UBASH3A: variants seen among roughly 807,000 people sequenced by gnomAD.
UBASH3A encodes the protein ubiquitin-associated and SH3 domain-containing protein A.
Under a neutral mutation model 73.5 loss-of-function variants are expected in UBASH3A, and 63 were observed. The observed-to-expected ratio is 0.86, with a 90% CI of 0.70 to 1.06. UBASH3A has a LOEUF of 1.06. Among genes scored for constraint, UBASH3A ranks in the 50% least tolerant of loss-of-function variants. UBASH3A has a pLI of 0.00. For synonymous variants in UBASH3A, 363 were observed against 351.1 expected (o/e 1.03, Z -0.38); for missense variants, 860 against 859.0 (o/e 1.00, Z -0.02).
chr21:42,428,489 C>T (rs1329936211), intron 8 of UBASH3A, among the ~76,000 whole-genome samples: 4 of 152,028 alleles, frequency 2.6e-5, no homozygotes, highest in African/African-American at 9.7e-5. Context: ...ATTTAAAAAG[C>T]TTTAAATGTT....
At chr21:42,434,705 C>A in intron 9 of UBASH3A, 127 bp from the exon 10 acceptor site, 2 of 1,098,622 alleles carry the variant, frequency 1.8e-6, no homozygotes, top group Non-Finnish European at 2.6e-6. Flanking sequence ...TGTTCAGAAA[C>A]AACACAGTTG....
chr21:42,435,774 G>C (rs1023987092), intron 10 of UBASH3A, among the ~76,000 whole-genome samples: 4 of 151,812 alleles, frequency 2.6e-5, no homozygotes, highest in Non-Finnish European at 5.9e-5. Context: ...GTTAGTTATA[G>C]AGTTATAGAG....
chr21:42,438,899 G>C (rs1474671699), intron 11 of UBASH3A, among the ~76,000 whole-genome samples: 1 of 152,106 alleles, frequency 6.6e-6, no homozygotes, highest in Non-Finnish European at 1.5e-5. Context: ...CCATGGAGGA[G>C]CCATCCCGCA....
At chr21:42,440,347 G>A (rs1265459971) in intron 11 of UBASH3A, among the ~76,000 whole-genome samples, 1 of 152,232 alleles carries the variant, frequency 6.6e-6, no homozygotes, top group Admixed American at 6.5e-5. Context: ...TAATAACTAT[G>A]ATGGAATAAA....
At chr21:42,430,434 C>T (rs2053507805) in intron 8 of UBASH3A, among the ~76,000 whole-genome samples, 1 of 152,160 alleles carries the variant, frequency 6.6e-6, no homozygotes, top group African/African-American at 2.4e-5. Context: ...CCTCTCCTCA[C>T]CTCTCTTCCT....
chr21:42,446,374 C>T (rs553507475), intron 14 of UBASH3A, among the ~76,000 whole-genome samples: 6 of 152,312 alleles, frequency 3.9e-5, no homozygotes, highest in East Asian at 3.9e-4. Context: ...AGCCCATCAC[C>T]GCCCCTCGCC....
intron 8 of UBASH3A, among the ~76,000 whole-genome samples, chr21:42,427,567 C>T (rs944057593): frequency 6.6e-6 from 1 of 152,214 alleles, no homozygotes; most frequent in Admixed American, 6.5e-5. Flanking sequence ...GCTATTCCTG[C>T]CCCCTACCCA....
intron 3 of UBASH3A, 25 bp from the exon 4 acceptor site, chr21:42,412,999 A>C (rs778465007): frequency 6.3e-7 from 1 of 1,597,226 alleles, no homozygotes; most frequent in Non-Finnish European, 8.6e-7. Flanking sequence ...GTGTGGAAAC[A>C]CAGGCTCTGT....
chr21:42,407,224 C>T lies in UBASH3A; in HGVS notation c.167+863C>T, dbSNP rs371404315. On this transcript the variant is annotated intron_variant, in intron 2 of 14. Transcript: ENST00000319294. Reference sequence around the variant, plus strand: ...TGTGGGGAGTCCTTCATCCTCTGCCCTGAGATAGCCACGGGGAAAATCAAA... The same window carrying T: ...TGTGGGGAGTCCTTCATCCTCTGCCTTGAGATAGCCACGGGGAAAATCAAA... Among the ~76,000 whole-genome samples, 6 of 152,258 alleles carry T rather than the reference C, an allele frequency of 3.9e-5. 1 individual carries two copies. The highest frequency in any genetic ancestry group is 3.9e-4 in the East Asian group (2 of 5,180).
Position 42,432,167 on chromosome 21 carries a change from G to A in UBASH3A, c.1235G>A (p.Gly412Glu), listed in dbSNP as rs1568931188. 4 of 1,613,606 alleles carry A rather than the reference G, an allele frequency of 2.5e-6. No homozygotes were observed. Among genetic ancestry groups the A allele is most frequent in the Non-Finnish European group, 2.5e-6 (3 of 1,179,828 alleles). ...GGGGAGAGAGTGGATCAGATCTTCG[G>A]GAAGGCATGGCTGCAGCAATGCTCC... The part of the protein sequence containing the change: ...RHGERVDQIF[G>E]KAWLQQCSTP... The change falls in exon 9 of 15, where the codon GGG (glycine) becomes GAG (glutamate). Residue 412 changes from glycine to glutamate, a missense_variant. Coordinates refer to ENST00000319294, the MANE Select transcript of UBASH3A (RefSeq NM_018961.4).
chr21:42,441,059 T>C (rs2053731875), intron 11 of UBASH3A, among the ~76,000 whole-genome samples: 1 of 152,062 alleles, frequency 6.6e-6, no homozygotes. Flanking sequence ...GTGCAGATGA[T>C]GATGATGGTG....
chr21:42,442,426 A>T, intron 11 of UBASH3A, 26 bp from the exon 12 acceptor site: 1 of 1,608,778 alleles, frequency 6.2e-7, no homozygotes, highest in African/African-American at 1.3e-5. Flanking sequence ...TGAGGATGAT[A>T]AACACTTGTA....
At chr21:42,446,940 C>T in intron 14 of UBASH3A, 117 bp from the exon 15 acceptor site, 1 of 1,188,964 alleles carries the variant, frequency 8.4e-7, no homozygotes. Context: ...CAGTGCCAGC[C>T]TGGGCAGTCG....
rs779759819 is a variant in UBASH3A at position 42,409,511 on chromosome 21, A to C, written c.257A>C (p.Glu86Ala). ...LFLCPTGPLL[E>A]KLQEFWRESK... ...CTCTGTCCAACGGGGCCCCTGCTGG[A>C]AAAACTTCAAGAGTTCTGGAGAGAG... Residue 86 changes from glutamate to alanine, a missense_variant, in exon 3 of 15, where the codon GAA (glutamate) becomes GCA (alanine). Physicochemically the swap from Glu to Ala is moderately radical, Grantham distance 107. Transcript: ENST00000319294. The C allele has an allele frequency of 1.2e-6, 2 of 1,613,984 alleles. No homozygotes were observed. The highest frequency in any genetic ancestry group is 1.7e-6 in the Non-Finnish European group (2 of 1,180,014).
intron 11 of UBASH3A, among the ~76,000 whole-genome samples, chr21:42,440,188 T>A (rs960102137): frequency 6.6e-6 from 1 of 152,206 alleles, no homozygotes; most frequent in South Asian, 2.1e-4. Context: ...CAGCAGCAGG[T>A]CCAGCCTTCG....
At chr21:42,437,329 T>G (rs1029050310) in intron 10 of UBASH3A, among the ~76,000 whole-genome samples, 159 bp from the exon 11 acceptor site, 1 of 152,264 alleles carries the variant, frequency 6.6e-6, no homozygotes, top group Non-Finnish European at 1.5e-5. Context: ...GGTCATGGGT[T>G]CCACCCATAC....
chr21:42,411,296 T>C (rs2038333806), intron 3 of UBASH3A, among the ~76,000 whole-genome samples: 1 of 149,126 alleles, frequency 6.7e-6, no homozygotes, highest in Non-Finnish European at 1.5e-5. Context: ...TGCAAACAGA[T>C]ACACACAGAT....
rs760505168 is a variant in UBASH3A at position 42,404,026 on chromosome 21, C to G, written c.81C>G (p.Pro27=). The G allele has an allele frequency of 1.3e-6, 2 of 1,526,418 alleles. No individual in the cohort carries two copies. The highest frequency in any genetic ancestry group is 1.8e-6 in the Non-Finnish European group (2 of 1,132,628). The allele number at this position is 1,526,418 out of a possible 1,614,324, so 94.6% of individuals were successfully genotyped here. The change falls in exon 1 of 15, where the codon CCC becomes CCG. Residue 27 remains proline (P), a synonymous_variant. Coordinates refer to ENST00000319294, the MANE Select transcript of UBASH3A (RefSeq NM_018961.4). ...GCAGCAGCCCCTCGCTCCTGGAGCC[C>G]CTCCTGGCCATGGGCTTCCCGGTGC... ...KSRSSPSLLE[P]LLAMGFPVHT... is the part of the protein sequence containing the mutation.
At chr21:42,415,339 C>T (rs371009774) in intron 5 of UBASH3A, among the ~76,000 whole-genome samples, 3 of 152,190 alleles carry the variant, frequency 2.0e-5, no homozygotes, top group African/African-American at 7.2e-5. Context: ...CCTACACACT[C>T]ATGCTGCTCC....
Sources: gnomAD v4.1 joint callset for allele counts (sites outside exome capture counted in the v4.1 genomes callset) on GRCh38, gnomAD v4.1.1 for gene constraint, MANE v1.5 for transcripts, NCBI Gene and HGNC (gene_info 2026-07-23, HGNC 2026-07-21) for gene names.